The following CYSLTR1 variants were observed in gnomAD, a reference collection of about 807,000 sequenced individuals.
CYSLTR1 encodes G-protein coupled receptor HG55.
In CYSLTR1, 1 loss-of-function variant was observed where a neutral mutation model predicts 2.1. The observed-to-expected ratio is 0.48, with a 90% CI of 0.17 to 2.28. The LOEUF (loss-of-function observed/expected upper bound fraction) is 2.28, where lower values mean the gene tolerates loss of function less well. Ranked by LOEUF, CYSLTR1 falls within the 30% of genes most tolerant of loss-of-function variation. The pLI is 0.26. For missense variants in CYSLTR1, 299 were observed against 250.1 expected, an observed-to-expected ratio of 1.20 and a Z score of -1.32; for synonymous variants, 110 against 89.6, an observed-to-expected ratio of 1.23 and a Z score of -1.28.
rs1347268602 is a variant in CYSLTR1, at chrX:78,301,300, T to C, written c.-114-17760A>G. ...GAATTTCTTCTCAGAAAATGGGTTT[T>C]TCTTTTCTATTGCATCATCAGGCTG... On this transcript the variant is annotated intron_variant, in intron 1 of 2. Transcript: ENST00000373304. 2.7e-5 allele frequency among the ~76,000 whole-genome samples: 3 copies of C among 112,591 alleles called. No individual in the cohort carries two copies. The Admixed American group carries it at 2.8e-4, about 11-fold the overall frequency.
intron 1 of CYSLTR1, among the ~76,000 whole-genome samples, chrX:78,293,962 T>C (rs1056052389): frequency 8.9e-6 from 1 of 112,292 alleles, no homozygotes; most frequent in Non-Finnish European, 1.9e-5. Context: ...TTATTATTGA[T>C]CTTCTGAAGC....
At chrX:78,323,935 C>T (rs1258405579) in intron 1 of CYSLTR1, among the ~76,000 whole-genome samples, 1 of 111,783 alleles carries the variant, frequency 8.9e-6, no homozygotes, top group Admixed American at 9.5e-5. Context: ...CTTATGTTTA[C>T]TCTTCTCTCT....
At chrX:78,304,161 G>T (rs1922937434) in intron 1 of CYSLTR1, among the ~76,000 whole-genome samples, 1 of 111,791 alleles carries the variant, frequency 8.9e-6, no homozygotes, top group African/African-American at 3.3e-5. Flanking sequence ...ATTTGAAAGT[G>T]ATTTCTAAAC....
At chrX:78,293,342 G>C (rs1269117203) in intron 1 of CYSLTR1, among the ~76,000 whole-genome samples, 2 of 111,887 alleles carry the variant, frequency 1.8e-5, no homozygotes, top group Non-Finnish European at 3.8e-5. Flanking sequence ...TCTGCTGAGA[G>C]ATCCGCTGTT....
chrX:78,296,610 A>G (rs2147262767), intron 1 of CYSLTR1, among the ~76,000 whole-genome samples: 1 of 111,042 alleles, frequency 9.0e-6, no homozygotes, highest in African/African-American at 3.3e-5. Flanking sequence ...GAAATCTTTC[A>G]CTTCTTTGGT....
At chrX:78,309,694 G>T (rs1195485896) in intron 1 of CYSLTR1, among the ~76,000 whole-genome samples, 1 of 111,850 alleles carries the variant, frequency 8.9e-6, no homozygotes, top group African/African-American at 3.2e-5. Context: ...ACCAGAAGAG[G>T]CTATAAAAAT....
intron 1 of CYSLTR1, among the ~76,000 whole-genome samples, chrX:78,318,418 G>A (rs976392294): frequency 1.8e-5 from 2 of 111,772 alleles, no homozygotes; most frequent in Non-Finnish European, 3.8e-5. Flanking sequence ...AGAGGATCAG[G>A]AAAAATAACT....
rs765291953 is a variant in CYSLTR1, at chrX:78,308,078, G to C, written c.-115+19227C>G. Reference sequence around the variant, plus strand: ...AAAAAGCACATGGTACCATTAAGGAGGGAATCAATGGGGAAACAAAACTGT... The same window carrying C: ...AAAAAGCACATGGTACCATTAAGGACGGAATCAATGGGGAAACAAAACTGT... On this transcript the variant is annotated intron_variant, in intron 1 of 2. Transcript: ENST00000373304. Among the ~76,000 whole-genome samples, 4 of 110,393 alleles carry C rather than the reference G, an allele frequency of 3.6e-5. No homozygotes were observed. The South Asian group carries it at 1.6e-3, about 43-fold the overall frequency.
chrX:78,309,672 T>C (rs1408478207), intron 1 of CYSLTR1, among the ~76,000 whole-genome samples: 2 of 111,477 alleles, frequency 1.8e-5, no homozygotes, highest in Admixed American at 1.9e-4. Context: ...AGTTACTCAG[T>C]GAAAGGAAGC....
chrX:78,299,319 C>T (rs1416479543), intron 1 of CYSLTR1, among the ~76,000 whole-genome samples: 2 of 111,207 alleles, frequency 1.8e-5, no homozygotes, highest in Non-Finnish European at 3.8e-5. Context: ...ATGAGTAGTT[C>T]ACACACTGAG....
chrX:78,297,656 A>C (rs187145314), intron 1 of CYSLTR1, among the ~76,000 whole-genome samples: 24 of 111,511 alleles, frequency 2.2e-4, no homozygotes, highest in Middle Eastern at 9.2e-3. Context: ...TGGATTTTCC[A>C]ATTTCATGAC....
intron 1 of CYSLTR1, among the ~76,000 whole-genome samples, chrX:78,299,664 G>A (rs1922730556): frequency 9.0e-6 from 1 of 111,190 alleles, no homozygotes; most frequent in Non-Finnish European, 1.9e-5. Flanking sequence ...CAGAGGTATT[G>A]GAGCTTCATT....
intron 1 of CYSLTR1, among the ~76,000 whole-genome samples, chrX:78,289,641 T>TA (rs1445929771): frequency 8.9e-6 from 1 of 112,024 alleles, no homozygotes; most frequent in African/African-American, 3.2e-5. Context: ...CCTGATTTTT[T>TA]AATGATCGCC....
At chrX:78,301,306 T>C (rs191672716) in intron 1 of CYSLTR1, among the ~76,000 whole-genome samples, 127 of 112,585 alleles carry the variant, frequency 1.1e-3, no homozygotes, top group African/African-American at 4.0e-3. Context: ...GTTTTTCTTT[T>C]CTATTGCATC....
At chrX:78,275,699 G>T in intron 2 of CYSLTR1, among the ~76,000 whole-genome samples, 1 of 111,356 alleles carries the variant, frequency 9.0e-6, no homozygotes, top group Non-Finnish European at 1.9e-5. Flanking sequence ...CTTGCACGTT[G>T]TGCACATGTA....
intron 1 of CYSLTR1, among the ~76,000 whole-genome samples, chrX:78,318,523 C>A (rs896202961): frequency 1.8e-5 from 2 of 111,708 alleles, no homozygotes; most frequent in Non-Finnish European, 3.8e-5. Context: ...GCACATGTAC[C>A]CCTGAACTTA....
chrX:78,272,189 T>C lies in CYSLTR1; in HGVS notation c.*544A>G, dbSNP rs908655956. On this transcript the variant is annotated 3_prime_UTR_variant, in exon 3 of 3. Coordinates refer to ENST00000373304, the MANE Select transcript of CYSLTR1 (RefSeq NM_006639.4). Reference sequence around the variant, plus strand: ...TGTTCTAGCACTTTTACATTCTCTTTTGGAAGAAATGGCCCTAATTTGCCT... The same window carrying C: ...TGTTCTAGCACTTTTACATTCTCTTCTGGAAGAAATGGCCCTAATTTGCCT... 4 of 111,722 alleles carry C rather than the reference T, an allele frequency of 3.6e-5. No individual in the cohort carries two copies. Among genetic ancestry groups the C allele is most frequent in the African/African-American group, 1.3e-4 (4 of 30,725 alleles). The allele number at this position is 111,722 out of a possible 1,213,427, so 9.2% of individuals were successfully genotyped here. A position where few individuals can be genotyped will look rare whatever the true frequency, so the allele number is the denominator to read the frequency against.
chrX:78,275,627 G>T (rs393683), intron 2 of CYSLTR1, among the ~76,000 whole-genome samples: 1 of 102,724 alleles, frequency 9.7e-6, no homozygotes, highest in South Asian at 4.4e-4. Context: ...ATACACCTAA[G>T]GTAAATGATG....
intron 1 of CYSLTR1, among the ~76,000 whole-genome samples, chrX:78,316,049 A>G (rs781356197): frequency 1.8e-5 from 2 of 112,476 alleles, no homozygotes; most frequent in Non-Finnish European, 3.8e-5. Flanking sequence ...TTCACGATGG[A>G]GAGACAGAGA....
Sources: allele counts gnomAD v4.1 joint callset (sites outside exome capture counted in the v4.1 genomes callset), GRCh38; gene constraint gnomAD v4.1.1; transcripts MANE v1.5; gene names NCBI Gene and HGNC (gene_info 2026-07-23, HGNC 2026-07-21).